The following HMCN2 variants were observed in gnomAD, a reference collection of about 807,000 sequenced individuals.
HMCN2 encodes hemicentin 2.
In HMCN2, 325 loss-of-function variants were observed where a neutral mutation model predicts 377.5. The observed-to-expected ratio is 0.86, with a 90% CI of 0.79 to 0.94. HMCN2 has a LOEUF of 0.94. HMCN2 is among the 40% of genes least tolerant of loss of function. The pLI is 0.00. For missense variants in HMCN2, 4,543 were observed against 4,725.3 expected (o/e 0.96, Z 1.13); for synonymous variants, 2,007 against 2,046.8 (o/e 0.98, Z 0.53).
intron 8 of HMCN2, 73 bp from the exon 9 acceptor site, chr9:130,302,784 A>G: frequency 2.7e-6 from 1 of 370,360 alleles, no homozygotes; most frequent in South Asian, 2.0e-5. Flanking sequence ...GTGCATCCCT[A>G]CAGGTCTCTG....
intron 85 of HMCN2, among the ~76,000 whole-genome samples, chr9:130,418,208 C>T (rs1053886900): frequency 2.6e-5 from 4 of 152,170 alleles, no homozygotes; most frequent in African/African-American, 9.7e-5. Flanking sequence ...ACTACCTAGC[C>T]ACTAACAACA....
chr9:130,343,548 A>C (rs1179047189), intron 25 of HMCN2, among the ~76,000 whole-genome samples: 1 of 146,272 alleles, frequency 6.8e-6, no homozygotes, highest in African/African-American at 2.5e-5. Flanking sequence ...TCCCCGACCC[A>C]GGTCCCCGGC....
chr9:130,281,889 C>CAAAA (rs782176109), intron 1 of HMCN2, among the ~76,000 whole-genome samples: 17 of 58,892 alleles, frequency 2.9e-4, no homozygotes, highest in African/African-American at 1.1e-3. Flanking sequence ...GACTCCATCT[C>CAAAA]AAAAAAAAAA....
At chr9:130,408,496 T>C (rs1228148377) in intron 83 of HMCN2, among the ~76,000 whole-genome samples, 1 of 152,140 alleles carries the variant, frequency 6.6e-6, no homozygotes, top group Admixed American at 6.6e-5. Flanking sequence ...ACAGCACCAT[T>C]CTCATTCAGC....
rs1330440077 is a variant in HMCN2, at chr9:130,351,973, A to G, written c.4585+396A>G. 6.6e-6 allele frequency among the ~76,000 whole-genome samples: 1 copy of G among 151,844 alleles called. No homozygotes were observed. The highest frequency in any genetic ancestry group is 2.4e-5 in the African/African-American group (1 of 41,314). On this transcript the variant is annotated intron_variant, in intron 30 of 97. Transcript: ENST00000683500. This position sits in a 1 kb window ranked among gnomAD's most constrained non-coding sequence, Gnocchi z 5.4. The stretch of plus-strand genomic sequence containing the variant: ...ATTACAGGTGCCCACCACCACACCC[A>G]GTTCATTTTTGTATTTTTAGTAGAG...
rs1344693595 is a variant in HMCN2 at position 130,433,621 on chromosome 9, C to T, written c.15168C>T (p.Thr5056=). The part of the protein sequence containing the change: ...ALTRAGLYRL[T]VRAAAPRHQS... ...CCCGCGCCGGCCTCTACCGGCTCAC[C>T]GTGCGTGCTGCGGCACCGCGCCACC... Residue 5056 remains threonine (T), a synonymous_variant, in exon 98 of 98, where the codon ACC becomes ACT. Transcript: ENST00000683500. The T allele has an allele frequency of 1.4e-5, 22 of 1,521,210 alleles. No homozygotes were observed. The highest frequency in any genetic ancestry group is 1.8e-5 in the Non-Finnish European group (21 of 1,135,134). The allele number at this position is 1,521,210 out of a possible 1,614,324, so 94.2% of individuals were successfully genotyped here.
intron 1 of HMCN2, among the ~76,000 whole-genome samples, chr9:130,275,175 C>T (rs1055743355): frequency 2.0e-5 from 3 of 152,166 alleles, no homozygotes; most frequent in African/African-American, 7.2e-5. Context: ...GAGATGGTGT[C>T]CTGCCTTAAT....
rs1376355210 is a variant in HMCN2 at position 130,414,448 on chromosome 9, A to C, written c.12961+3796A>C. 6.6e-6 allele frequency among the ~76,000 whole-genome samples: 1 copy of C among 152,118 alleles called. No individual in the cohort carries two copies. The highest frequency in any genetic ancestry group is 1.5e-5 in the Non-Finnish European group (1 of 68,014). On this transcript the variant is annotated intron_variant, in intron 85 of 97. Coordinates refer to ENST00000683500, the MANE Select transcript of HMCN2 (RefSeq NM_001291815.2). This position sits in a 1 kb window ranked among gnomAD's most constrained non-coding sequence, Gnocchi z 4.4. ...TGGCAGTTTTATAGCTCTGCCAAAA[A>C]CGGAAGATTTAAATAAAAATCCGAG...
chr9:130,431,253 G>T, intron 95 of HMCN2, 114 bp from the exon 96 acceptor site: 1 of 1,081,540 alleles, frequency 9.2e-7, no homozygotes, highest in South Asian at 1.5e-5. Flanking sequence ...CAGGGAGAAG[G>T]AGCAGGGCAG....
intron 62 of HMCN2, among the ~76,000 whole-genome samples, chr9:130,390,363 G>A (rs1480842961): frequency 3.3e-5 from 5 of 152,152 alleles, no homozygotes; most frequent in Admixed American, 1.3e-4. Flanking sequence ...AACTCCTTGA[G>A]GACAGGGACT....
At chr9:130,345,184 G>A (rs1839310445) in intron 25 of HMCN2, among the ~76,000 whole-genome samples, 1 of 147,188 alleles carries the variant, frequency 6.8e-6, no homozygotes. Flanking sequence ...ATGGTGGTGT[G>A]TGTAGTGTGG....
chr9:130,312,606 T>TTCTTTCTA (rs1837328657), intron 15 of HMCN2, among the ~76,000 whole-genome samples: 1 of 105,628 alleles, frequency 9.5e-6, no homozygotes, highest in Non-Finnish European at 1.9e-5. Flanking sequence ...CTTTCTTTCT[T>TTCTTTCTA]TCTTTCTTTC....
chr9:130,403,390 G>T, intron 79 of HMCN2, 62 bp downstream of exon 79: 5 of 1,277,324 alleles, frequency 3.9e-6, no homozygotes, highest in Non-Finnish European at 5.1e-6. Flanking sequence ...GGGCAGGGGG[G>T]GAGTCCTGCT....
chr9:130,345,982 C>T (rs1839370118), intron 25 of HMCN2, among the ~76,000 whole-genome samples: 1 of 152,036 alleles, frequency 6.6e-6, no homozygotes. Flanking sequence ...AAAGAGTGAG[C>T]GGCCCACAGC....
intron 43 of HMCN2, 127 bp from the exon 44 acceptor site, chr9:130,368,149 C>T (rs553611583): frequency 8.0e-5 from 35 of 435,560 alleles, no homozygotes; most frequent in African/African-American, 6.2e-4. Context: ...GAGGTAGTGT[C>T]TAAATGGACA....
In HMCN2 at chr9:130,425,880, A is replaced by G. The variant is rs1218233949; in HGVS notation, c.13835A>G (p.Glu4612Gly). 3.2e-6 allele frequency: 5 copies of G among 1,549,938 alleles called. No individual in the cohort carries two copies. The highest frequency in any genetic ancestry group is 4.4e-6 in the Non-Finnish European group (5 of 1,146,928). Residue 4612 changes from glutamate to glycine, a missense_variant, in exon 90 of 98, where the codon GAG becomes GGG. Glu to Gly is a moderately conservative substitution (Grantham distance 98, BLOSUM62 -2). Around this residue, in one of 5 missense-constraint regions of HMCN2, gnomAD observed 1,155 missense variants for 1,157.7 expected, o/e 1.00. Coordinates refer to ENST00000683500, the MANE Select transcript of HMCN2 (RefSeq NM_001291815.2). ...GCTATCAGCTCGGCCTTTGATCCAG[A>G]GGCCGAGGCCCTGCGCTTCCAGCTC... ...ASAISSAFDP[E>G]AEALRFQLAT...
At chr9:130,380,854 CTG>C (rs1226321513) in intron 54 of HMCN2, among the ~76,000 whole-genome samples, 1 of 151,890 alleles carries the variant, frequency 6.6e-6, no homozygotes, top group East Asian at 1.9e-4. Flanking sequence ...TTACTGAACA[CTG>C]TTAGTTCCTA....
At chr9:130,307,374 G>A (rs547130308) in intron 13 of HMCN2, 79 bp from the exon 14 acceptor site, 1 of 464,286 alleles carries the variant, frequency 2.2e-6, no homozygotes, top group South Asian at 1.6e-5. Flanking sequence ...ATGAGGGAGA[G>A]GGCTCCCTGA....
intron 31 of HMCN2, among the ~76,000 whole-genome samples, chr9:130,353,750 G>A (rs1839859839): frequency 6.6e-6 from 1 of 152,200 alleles, no homozygotes; most frequent in South Asian, 2.1e-4. Context: ...CTCATGCTGT[G>A]AACCTCAGCA....
Sources: allele counts gnomAD v4.1 joint callset (sites outside exome capture counted in the v4.1 genomes callset), GRCh38; gene constraint gnomAD v4.1.1; regional missense constraint gnomAD v4.1.1; non-coding constraint Gnocchi (gnomAD v3.1); transcripts MANE v1.5; gene names NCBI Gene and HGNC (gene_info 2026-07-23, HGNC 2026-07-21).